The following PDE2A variants were observed in gnomAD, a reference collection of about 807,000 sequenced individuals.
PDE2A encodes phosphodiesterase 2A, also known as cGMP-dependent 3',5'-cyclic phosphodiesterase.
PDE2A carries 53 observed loss-of-function variants against 133.6 expected under a neutral mutation model. That is an observed-to-expected ratio of 0.40 (90% CI 0.32 to 0.50). The LOEUF is 0.50. PDE2A is among the 20% of genes least tolerant of loss of function. PDE2A has a pLI of 0.73. For missense variants in PDE2A, 796 were observed against 1,232.4 expected, an observed-to-expected ratio of 0.65 and a Z score of 5.30; for synonymous variants, 491 against 490.2, an observed-to-expected ratio of 1.00 and a Z score of -0.02.
Position 72,577,329 on chromosome 11 carries a change from G to A in PDE2A, c.*55C>T. On this transcript the variant is annotated 3_prime_UTR_variant, in exon 31 of 31. Coordinates refer to ENST00000334456, the MANE Select transcript of PDE2A (RefSeq NM_002599.5). ...GCTCTGTTCCCAGTGCATCTGGCCA[G>A]ACCAGTGGAGGGCTGTGGGAGGTGG... is the stretch of plus-strand genomic sequence containing the variant. 3 of 1,406,988 alleles carry A rather than the reference G, an allele frequency of 2.1e-6. No individual in the cohort carries two copies. The highest frequency in any genetic ancestry group is 3.0e-6 in the Non-Finnish European group (3 of 1,007,452). The allele number at this position is 1,406,988 out of a possible 1,614,324, so 87.2% of individuals were successfully genotyped here. A position where few individuals can be genotyped will look rare whatever the true frequency, so the allele number is the denominator to read the frequency against.
Position 72,642,275 on chromosome 11 carries a change from C to G in PDE2A, c.123G>C (p.Gln41His). The change falls in exon 2 of 31, where the codon CAG (glutamine) becomes CAC (histidine). Residue 41 changes from glutamine (Q) to histidine (H), a missense_variant. This residue lies in a region of PDE2A where 417 missense variants were observed against 475.3 expected (regional missense o/e 0.88). Coordinates refer to ENST00000334456, the MANE Select transcript of PDE2A (RefSeq NM_002599.5). ...LKPDEPPPPPQPCADSLQDAL... is the reference protein window; with the variant it reads ...LKPDEPPPPPHPCADSLQDAL... ...CTACCTGCAGGCTGTCGGCGCATGG[C>G]TGCGGCGGCGGCGGCGGCTCGTCCG... 1 of 1,528,274 alleles carries G rather than the reference C, an allele frequency of 6.5e-7. No individual in the cohort carries two copies. The highest frequency in any genetic ancestry group is 2.6e-5 in the East Asian group (1 of 37,944). The allele number at this position is 1,528,274 out of a possible 1,614,324, so 94.7% of individuals were successfully genotyped here. A position where few individuals can be genotyped will look rare whatever the true frequency, so the allele number is the denominator to read the frequency against.
intron 6 of PDE2A, 71 bp from the exon 7 acceptor site, chr11:72,591,427 A>G: frequency 8.6e-7 from 1 of 1,163,926 alleles, no homozygotes; most frequent in Non-Finnish European, 1.3e-6. Context: ...TGCCCTCCCC[A>G]TGCGCAGCAC....
At position 72,598,899 on chromosome 11, in the gene PDE2A, G is replaced by A. The variant is rs981209997; in HGVS notation, c.324-1280C>T. 11 of 985,330 alleles carry A rather than the reference G, an allele frequency of 1.1e-5. No homozygotes were observed. The South Asian group carries it at 1.9e-4, about 17-fold the overall frequency. 61.0% of individuals were successfully genotyped at this position (985,330 alleles called of 1,614,324 possible). On this transcript the variant is annotated intron_variant, in intron 4 of 30. Transcript: ENST00000334456. ...ACCCAGGACCTTTAAGGTTCCTGAA[G>A]TGCTGGGCTCCAGTTCCCGGCTGTC...
Position 72,605,212 on chromosome 11 carries a change from G to A in PDE2A, c.249C>T (p.Thr83=), listed in dbSNP as rs754834402. ...AVLPRVETVY[T]YLLDGESQLV... is the part of the protein sequence containing the mutation. Reference sequence around the variant, plus strand: ...GCTGGGACTCACCATCCAGTAGGTAGGTGTAGACAGTTTCCTAGGACAGAA... The same window carrying A: ...GCTGGGACTCACCATCCAGTAGGTAAGTGTAGACAGTTTCCTAGGACAGAA... Residue 83 remains threonine, a synonymous_variant, in exon 4 of 31, where the codon ACC becomes ACT. Transcript: ENST00000334456. 1.2e-6 allele frequency: 2 copies of A among 1,607,520 alleles called. No individual in the cohort carries two copies. Among genetic ancestry groups the A allele is most frequent in the East Asian group, 2.2e-5 (1 of 44,670 alleles).
chr11:72,590,447 C>G lies in PDE2A; in HGVS notation c.683G>C (p.Arg228Pro). The G allele has an allele frequency of 6.4e-7, 1 of 1,550,980 alleles. No individual in the cohort carries two copies. The highest frequency in any genetic ancestry group is 1.4e-5 in the African/African-American group (1 of 73,064). The change falls in exon 8 of 31, where the codon CGC (arginine) becomes CCC (proline). Residue 228 changes from arginine (R) to proline (P), a missense_variant. Physicochemically the swap from Arg to Pro is moderately radical, Grantham distance 103. Around this residue, in one of 7 missense-constraint regions of PDE2A, gnomAD observed 417 missense variants for 475.3 expected, o/e 0.88. Coordinates refer to ENST00000334456, the MANE Select transcript of PDE2A (RefSeq NM_002599.5). The surrounding 1 kb of genome is among the most constrained non-coding windows in gnomAD (Gnocchi z 4.8). ...KGGAAYTDRD[R>P]KILQLCGELY... is the part of the protein sequence containing the mutation. The stretch of plus-strand genomic sequence containing the variant: ...CTCACCGCACAGTTGGAGGATCTTG[C>G]GGTCGCGGTCGGTGTACGCCGCCCC...
intron 20 of PDE2A, 151 bp downstream of exon 20, chr11:72,583,287 G>A: frequency 1.6e-6 from 1 of 617,698 alleles, no homozygotes; most frequent in South Asian, 2.0e-5. Context: ...TCTCTAAGCA[G>A]GGGTGGGAGC....
intron 3 of PDE2A, among the ~76,000 whole-genome samples, chr11:72,606,130 C>T (rs1285554676): frequency 6.6e-6 from 1 of 152,002 alleles, no homozygotes; most frequent in Non-Finnish European, 1.5e-5. Flanking sequence ...CAGGCCATGT[C>T]TTGGCAGAAG....
intron 2 of PDE2A, among the ~76,000 whole-genome samples, chr11:72,611,896 A>T (rs1857226069): frequency 6.6e-6 from 1 of 152,148 alleles, no homozygotes. Context: ...AACTCAGGGG[A>T]GGAAATAGCT....
chr11:72,658,104 C>T (rs187271234), intron 1 of PDE2A: 119 of 456,280 alleles, frequency 2.6e-4, no homozygotes, highest in African/African-American at 1.4e-3. Flanking sequence ...CTCCATTTTA[C>T]GGATGCCGGA....
chr11:72,589,149 T>A, intron 12 of PDE2A, 26 bp downstream of exon 12: 1 of 1,599,192 alleles, frequency 6.3e-7, no homozygotes. Context: ...CTCTTTCCCC[T>A]CTGGGTCAGC....
intron 2 of PDE2A, chr11:72,621,737 G>C (rs1248860608): frequency 1.3e-5 from 2 of 152,260 alleles, no homozygotes; most frequent in South Asian, 4.1e-4. Context: ...GCATCATCCA[G>C]GACCTCCTAG....
At position 72,584,863 on chromosome 11, in the gene PDE2A, C is replaced by T. The variant is rs766433423; in HGVS notation, c.1359+9G>A. 1.2e-6 allele frequency: 2 copies of T among 1,613,580 alleles called. No individual in the cohort carries two copies. The highest frequency in any genetic ancestry group is 1.1e-5 in the South Asian group (1 of 91,068). ...CCTAGGGCCACATACTCCCTCCACA[C>T]CCTCTCACCTCATCATCCACCACGC... is the stretch of plus-strand genomic sequence containing the variant. On this transcript the variant is annotated intron_variant, in intron 17 of 30. Coordinates refer to ENST00000334456, the MANE Select transcript of PDE2A (RefSeq NM_002599.5).
intron 16 of PDE2A, 106 bp from the exon 17 acceptor site, chr11:72,585,050 C>A: frequency 9.2e-7 from 1 of 1,091,570 alleles, no homozygotes. Flanking sequence ...GGGAGGAGTG[C>A]TCCAAGGTAA....
chr11:72,628,418 C>A (rs183634427), intron 2 of PDE2A, among the ~76,000 whole-genome samples: 1 of 151,592 alleles, frequency 6.6e-6, no homozygotes, highest in Non-Finnish European at 1.5e-5. Context: ...GCAAGCTCTG[C>A]CTCCCGGGTT....
At chr11:72,645,155 T>G (rs938785113) in intron 1 of PDE2A, among the ~76,000 whole-genome samples, 2 of 152,210 alleles carry the variant, frequency 1.3e-5, no homozygotes, top group African/African-American at 4.8e-5. Context: ...CAAAGAGTCT[T>G]TCTGTGTCAA....
intron 2 of PDE2A, among the ~76,000 whole-genome samples, chr11:72,611,755 G>T (rs1462333517): frequency 6.6e-6 from 1 of 152,200 alleles, no homozygotes; most frequent in African/African-American, 2.4e-5. Flanking sequence ...GGAGGGTGTT[G>T]GGTGCAGGAA....
At chr11:72,599,825 G>C (rs767648124) in intron 4 of PDE2A, among the ~76,000 whole-genome samples, 4 of 152,206 alleles carry the variant, frequency 2.6e-5, no homozygotes, top group Non-Finnish European at 5.9e-5. Context: ...CCAAGAACAC[G>C]CAGAGATCAA....
In PDE2A at chr11:72,589,959, G is replaced by C. The variant is rs752976104; in HGVS notation, c.779C>G (p.Ser260Cys). Reference sequence around the variant, plus strand: ...CGACACCAGCAGGAGGCAGCAGCGGGATGCCCGGGTCTCCTGCTGCAGCTG... The same window carrying C: ...CGACACCAGCAGGAGGCAGCAGCGGCATGCCCGGGTCTCCTGCTGCAGCTG... ...LQYLQQETRA[S>C]RCCLLLVSED... Residue 260 changes from serine to cysteine, a missense_variant, in exon 10 of 31, where the codon TCC becomes TGC. Physicochemically the swap from Ser to Cys is moderately radical, Grantham distance 112. This residue lies in a region of PDE2A where 417 missense variants were observed against 475.3 expected (regional missense o/e 0.88). Transcript: ENST00000334456. 6.2e-7 allele frequency: 1 copy of C among 1,612,846 alleles called. No homozygotes were observed. The highest frequency in any genetic ancestry group is 1.3e-5 in the African/African-American group (1 of 74,920).
rs1565179938 is a variant in PDE2A at position 72,627,033 on chromosome 11, G to A, written c.144+15221C>T. 2.6e-5 allele frequency among the ~76,000 whole-genome samples: 4 copies of A among 152,276 alleles called. No individual in the cohort carries two copies. In the South Asian group the frequency reaches 6.2e-4, roughly 24 times the overall value. On this transcript the variant is annotated intron_variant, in intron 2 of 30. Coordinates refer to ENST00000334456, the MANE Select transcript of PDE2A (RefSeq NM_002599.5). ...CTGGTCCCTGGCTTCTTCGGTTGGTGCCCTTGACCCTCTCCATCCTTCAAA... is the reference window on the plus strand; with the variant it reads ...CTGGTCCCTGGCTTCTTCGGTTGGTACCCTTGACCCTCTCCATCCTTCAAA...
Sources: gnomAD v4.1 joint callset for allele counts (sites outside exome capture counted in the v4.1 genomes callset) on GRCh38, gnomAD v4.1.1 for gene constraint, gnomAD v4.1.1 regional missense constraint, Gnocchi (gnomAD v3.1) non-coding constraint, MANE v1.5 for transcripts, NCBI Gene and HGNC (gene_info 2026-07-23, HGNC 2026-07-21) for gene names.